Variants in RYR2 observed in about 807,000 individuals in gnomAD.
The protein encoded by RYR2 is cardiac muscle ryanodine receptor-calcium release channel.
In RYR2, 227 loss-of-function variants were observed where a neutral mutation model predicts 601.1. The observed-to-expected ratio is 0.38, with a 90% CI of 0.34 to 0.42. The LOEUF is 0.42. Ranked by LOEUF, RYR2 falls within the 10% of genes least tolerant of loss-of-function variation. The pLI, the probability that RYR2 is intolerant of heterozygous loss-of-function variation, is 1.00. For synonymous variants in RYR2, 2,223 were observed against 2,175.1 expected (o/e 1.02, Z -0.61); for missense variants, 4,646 against 6,156.5 (o/e 0.75, Z 8.21).
intron 2 of RYR2, among the ~76,000 whole-genome samples, chr1:237,322,144 T>C (rs191683164): frequency 6.6e-6 from 1 of 152,336 alleles, no homozygotes; most frequent in Admixed American, 6.5e-5. Context: ...TTAATTTAGA[T>C]GAAATTAATC....
intron 24 of RYR2, among the ~76,000 whole-genome samples, chr1:237,512,190 T>C (rs2147773705): frequency 6.6e-6 from 1 of 152,268 alleles, no homozygotes; most frequent in African/African-American, 2.4e-5. Flanking sequence ...TCTATACCAA[T>C]TTAGGGAAGC....
intron 38 of RYR2, among the ~76,000 whole-genome samples, chr1:237,623,398 T>TC: frequency 1.4e-5 from 2 of 138,878 alleles, no homozygotes; most frequent in Non-Finnish European, 3.1e-5. Flanking sequence ...TTTTTTTTTT[T>TC]TTTTTTTTTT....
chr1:237,110,339 T>C (rs547998808), intron 1 of RYR2, among the ~76,000 whole-genome samples: 1 of 152,026 alleles, frequency 6.6e-6, no homozygotes, highest in Non-Finnish European at 1.5e-5. Context: ...TATGTATACA[T>C]GTGTCATGCT....
intron 1 of RYR2, among the ~76,000 whole-genome samples, chr1:237,140,995 C>T (rs564021211): frequency 2.2e-4 from 34 of 152,310 alleles, no homozygotes; most frequent in African/African-American, 8.2e-4. Context: ...TGTTTAAGGA[C>T]ATTTATATTG....
At chr1:237,791,788 G>T in intron 93 of RYR2, 1 of 554,520 alleles carries the variant, frequency 1.8e-6, no homozygotes, top group African/African-American at 1.9e-5. Flanking sequence ...TCTTATTTGT[G>T]ACTATGCCTG....
intron 48 of RYR2, among the ~76,000 whole-genome samples, chr1:237,647,358 A>C (rs1682280054): frequency 6.6e-6 from 1 of 152,196 alleles, no homozygotes; most frequent in African/African-American, 2.4e-5. Context: ...TCGTGTCAGT[A>C]ACATTCCTAG....
chr1:237,148,553 T>TATACATACAC (rs71178397), intron 1 of RYR2, among the ~76,000 whole-genome samples: 1 of 105,702 alleles, frequency 9.5e-6, no homozygotes, highest in Non-Finnish European at 1.9e-5. Flanking sequence ...TATATATATA[T>TATACATACAC]ACACACACAC....
chr1:237,695,289 A>G (rs1183251087), intron 63 of RYR2, among the ~76,000 whole-genome samples: 1 of 152,202 alleles, frequency 6.6e-6, no homozygotes, highest in Non-Finnish European at 1.5e-5. Flanking sequence ...GGTGTAAGTT[A>G]TTATTTTAAT....
chr1:237,591,500 G>A (rs1573003862), intron 31 of RYR2, among the ~76,000 whole-genome samples: 1 of 151,808 alleles, frequency 6.6e-6, no homozygotes. Flanking sequence ...CTTTGTTGAG[G>A]ACACACCTTG....
intron 53 of RYR2, among the ~76,000 whole-genome samples, chr1:237,657,156 G>A (rs1402803): frequency 0.69 from 104,202 of 151,954 alleles, 37,038 homozygotes; most frequent in Non-Finnish European, 0.79. Context: ...GGTGATATCA[G>A]TGATTTCTAG....
At chr1:237,488,647 G>A (rs1662969904) in intron 17 of RYR2, among the ~76,000 whole-genome samples, 1 of 152,128 alleles carries the variant, frequency 6.6e-6, no homozygotes. Context: ...TTCCACCATT[G>A]TGATTTGCTC....
At chr1:237,647,320 A>G (rs1451441189) in intron 48 of RYR2, among the ~76,000 whole-genome samples, 4 of 152,176 alleles carry the variant, frequency 2.6e-5, no homozygotes, top group African/African-American at 9.7e-5. Context: ...TAGCAGCCTC[A>G]CAGTTGGGTT....
chr1:237,143,948 G>A (rs541830114), intron 1 of RYR2, among the ~76,000 whole-genome samples: 5 of 152,198 alleles, frequency 3.3e-5, no homozygotes, highest in African/African-American at 1.2e-4. Context: ...GGCCAACATA[G>A]TGAAACCCCA....
intron 5 of RYR2, among the ~76,000 whole-genome samples, chr1:237,368,098 A>T (rs1002093139): frequency 2.0e-5 from 3 of 152,172 alleles, no homozygotes; most frequent in African/African-American, 7.2e-5. Context: ...TAGAGAAGGT[A>T]GTCTTTAATC....
intron 50 of RYR2, 85 bp from the exon 51 acceptor site, chr1:237,651,326 T>G: frequency 1.1e-6 from 1 of 931,938 alleles, no homozygotes; most frequent in Non-Finnish European, 1.7e-6. Context: ...TTCAGGTCCT[T>G]GGCTGATATA....
intron 2 of RYR2, among the ~76,000 whole-genome samples, chr1:237,280,472 G>T (rs931354161): frequency 1.3e-5 from 2 of 152,028 alleles, no homozygotes; most frequent in Non-Finnish European, 2.9e-5. Context: ...GTTTTGTAAA[G>T]AATATAAATT....
At chr1:237,383,785 C>T (rs1701761815) in intron 8 of RYR2, among the ~76,000 whole-genome samples, 1 of 152,052 alleles carries the variant, frequency 6.6e-6, no homozygotes, top group African/African-American at 2.4e-5. Flanking sequence ...CCTATTAGAG[C>T]TTGAAAATCA....
At chr1:237,788,168 T>TA in intron 92 of RYR2, 33 bp downstream of exon 92, 1 of 1,543,198 alleles carries the variant, frequency 6.5e-7, no homozygotes, top group Non-Finnish European at 8.9e-7. Flanking sequence ...TTGTTACTGA[T>TA]ATAGTGCAAT....
intron 1 of RYR2, among the ~76,000 whole-genome samples, chr1:237,149,302 C>CAA (rs1674425847): frequency 6.6e-6 from 1 of 150,536 alleles, no homozygotes; most frequent in Non-Finnish European, 1.5e-5. Flanking sequence ...CTACAAAAAA[C>CAA]AAACAAAAAC....
Sources: allele counts gnomAD v4.1 joint callset (sites outside exome capture counted in the v4.1 genomes callset), GRCh38; gene constraint gnomAD v4.1.1; transcripts MANE v1.5; gene names NCBI Gene and HGNC (gene_info 2026-07-23, HGNC 2026-07-21).